The following FER variants were observed in gnomAD, a reference collection of about 807,000 sequenced individuals.
FER encodes the protein tyrosine-protein kinase Fer.
In FER, 63 loss-of-function variants were observed where a neutral mutation model predicts 111.0. The ratio of observed to expected loss-of-function variants is 0.57; its 90% CI spans 0.46 to 0.70. FER has a LOEUF of 0.70. FER is among the 30% of genes least tolerant of loss of function. The pLI is 0.00. For missense variants in FER, 914 were observed against 954.0 expected (o/e 0.96, Z 0.55); for synonymous variants, 327 against 313.9 (o/e 1.04, Z -0.44).
intron 10 of FER, chr5:108,924,534 G>A: frequency 9.2e-7 from 1 of 1,085,962 alleles, no homozygotes; most frequent in Non-Finnish European, 1.2e-6. Context: ...AACAGGGGGA[G>A]ATAGTATGAA....
chr5:109,032,435 A>G (rs1218960419), intron 13 of FER, among the ~76,000 whole-genome samples: 1 of 152,088 alleles, frequency 6.6e-6, no homozygotes. Context: ...CCTGTATTAC[A>G]TCTCTTTTTC....
In FER at chr5:109,174,435, T is replaced by C. The variant is rs549149194; in HGVS notation, c.2049-6312T>C. On this transcript the variant is annotated intron_variant, in intron 17 of 19. Transcript: ENST00000281092. ...GTATTGCCTTGTTTTTGTTTTTGTT[T>C]TTTAAAAAAGGGCTCAACATACCAC... Among the ~76,000 whole-genome samples, 8 of 152,148 alleles carry C rather than the reference T, an allele frequency of 5.3e-5. No homozygotes were observed. In the South Asian group the frequency reaches 1.7e-3, roughly 32 times the overall value.
chr5:108,903,723 A>G (rs1750364195), intron 10 of FER, among the ~76,000 whole-genome samples: 1 of 152,246 alleles, frequency 6.6e-6, no homozygotes, highest in African/African-American at 2.4e-5. Flanking sequence ...CTTAGTTTAC[A>G]GGTAAATTAA....
intron 9 of FER, among the ~76,000 whole-genome samples, chr5:108,892,648 C>G (rs539361025): frequency 6.6e-6 from 1 of 152,248 alleles, no homozygotes; most frequent in Admixed American, 6.5e-5. Context: ...GTTTCTTTTG[C>G]TGTGCAGAAG....
intron 17 of FER, among the ~76,000 whole-genome samples, chr5:109,170,998 C>G (rs930408340): frequency 3.9e-5 from 6 of 152,126 alleles, no homozygotes; most frequent in Non-Finnish European, 1.5e-5. Context: ...CAAATTATTG[C>G]AAGTGTTCCA....
intron 2 of FER, among the ~76,000 whole-genome samples, chr5:108,793,080 T>A (rs1561427203): frequency 6.6e-6 from 1 of 152,212 alleles, no homozygotes; most frequent in Non-Finnish European, 1.5e-5. Flanking sequence ...TTGACTATAG[T>A]CACCCTGTTG....
chr5:108,760,002 C>T (rs1561376210), intron 1 of FER, among the ~76,000 whole-genome samples: 1 of 152,140 alleles, frequency 6.6e-6, no homozygotes, highest in African/African-American at 2.4e-5. Flanking sequence ...ATTTTTTGCC[C>T]TGGCAGTGGA....
intron 16 of FER, among the ~76,000 whole-genome samples, chr5:109,055,163 T>C (rs774995835): frequency 4.6e-5 from 7 of 152,050 alleles, no homozygotes; most frequent in South Asian, 2.1e-4. Flanking sequence ...AAAAATCATC[T>C]CAAATTGGAT....
intron 2 of FER, among the ~76,000 whole-genome samples, chr5:108,788,493 G>A (rs1046270546): frequency 6.6e-6 from 1 of 151,800 alleles, no homozygotes; most frequent in East Asian, 1.9e-4. Context: ...GAGGTTTCTG[G>A]CTGGCAAAGC....
intron 2 of FER, 62 bp downstream of exon 2, chr5:108,768,300 A>G (rs532974499): frequency 6.6e-6 from 1 of 152,258 alleles, no homozygotes; most frequent in East Asian, 1.9e-4. Flanking sequence ...GGTCTCTGAA[A>G]TTGTGACTTG....
At chr5:109,075,231 G>A (rs1173362503) in intron 16 of FER, among the ~76,000 whole-genome samples, 1 of 151,910 alleles carries the variant, frequency 6.6e-6, no homozygotes, top group East Asian at 1.9e-4. Context: ...AAAAATTAAT[G>A]TAAAAAAATG....
At chr5:109,098,865 G>T (rs1014685799) in intron 16 of FER, among the ~76,000 whole-genome samples, 1 of 151,526 alleles carries the variant, frequency 6.6e-6, no homozygotes, top group Non-Finnish European at 1.5e-5. Flanking sequence ...ACCTAAATTT[G>T]TATAATACTT....
At chr5:109,013,322 T>A (rs1366739577) in intron 13 of FER, among the ~76,000 whole-genome samples, 77 of 148,146 alleles carry the variant, frequency 5.2e-4, no homozygotes, top group African/African-American at 1.7e-3. Context: ...GAGTGAGAAC[T>A]TGCGGTGTTT....
chr5:109,056,466 G>C (rs1287535087), intron 16 of FER, among the ~76,000 whole-genome samples: 4 of 151,984 alleles, frequency 2.6e-5, no homozygotes, highest in Non-Finnish European at 4.4e-5. Flanking sequence ...AAATAAGCCA[G>C]ACACAGAAAT....
rs773121346 is a variant in FER at position 109,187,417 on chromosome 5, T to A, written c.2327-16T>A. 1 of 1,610,550 alleles carries A rather than the reference T, an allele frequency of 6.2e-7. No homozygotes were observed. Among genetic ancestry groups the A allele is most frequent in the Non-Finnish European group, 8.5e-7 (1 of 1,178,538 alleles). On this transcript the variant is annotated splice_polypyrimidine_tract_variant and intron_variant, in intron 19 of 19. Transcript: ENST00000281092. Reference sequence around the variant, plus strand: ...CCTCCATTCTAAATTCTGTTCTCCTTCTCTTGGGTCTTCAGGATACCGGAT... The same window carrying A: ...CCTCCATTCTAAATTCTGTTCTCCTACTCTTGGGTCTTCAGGATACCGGAT...
intron 5 of FER, among the ~76,000 whole-genome samples, chr5:108,846,739 C>A (rs1004395680): frequency 4.6e-5 from 7 of 152,010 alleles, no homozygotes; most frequent in Non-Finnish European, 8.8e-5. Context: ...CCTGCCACCA[C>A]GCCCGGCTAA....
chr5:108,802,668 T>C (rs1756796272), intron 3 of FER, among the ~76,000 whole-genome samples: 1 of 152,128 alleles, frequency 6.6e-6, no homozygotes, highest in South Asian at 2.1e-4. Flanking sequence ...GCTGCATACA[T>C]GTTGCTGCAA....
intron 16 of FER, among the ~76,000 whole-genome samples, chr5:109,078,029 C>A (rs1776564624): frequency 6.6e-6 from 1 of 152,062 alleles, no homozygotes. Context: ...TCAAGTAGTA[C>A]TAGTGTCAGC....
At chr5:108,869,384 G>A (rs1037299763) in intron 6 of FER, among the ~76,000 whole-genome samples, 5 of 152,114 alleles carry the variant, frequency 3.3e-5, no homozygotes, top group Admixed American at 2.6e-4. Flanking sequence ...GGAATGTAGT[G>A]ATTTGAAGAA....
Sources: gnomAD v4.1 joint callset for allele counts (sites outside exome capture counted in the v4.1 genomes callset) on GRCh38, gnomAD v4.1.1 for gene constraint, MANE v1.5 for transcripts, NCBI Gene and HGNC (gene_info 2026-07-23, HGNC 2026-07-21) for gene names.